LMO3: variants seen among roughly 807,000 people sequenced by gnomAD.
LMO3 encodes LIM domain only 3, also known as LIM domain only protein 3.
LMO3 carries 2 observed loss-of-function variants against 15.8 expected under a neutral mutation model. The observed-to-expected ratio is 0.13, with a 90% CI of 0.05 to 0.40. The LOEUF is 0.40. Among genes scored for constraint, LMO3 ranks in the 10% least tolerant of loss-of-function variants. The pLI is 0.99. For synonymous variants in LMO3, 62 were observed against 63.8 expected, an observed-to-expected ratio of 0.97 and a Z score of 0.13; for missense variants, 86 against 182.2, an observed-to-expected ratio of 0.47 and a Z score of 3.04.
rs1406956262 is a variant in LMO3 at position 16,555,998 on chromosome 12, TG to T, written c.332+4414del. Among the ~76,000 whole-genome samples, 1 of 152,192 alleles carries T rather than the reference TG, an allele frequency of 6.6e-6. No individual in the cohort carries two copies. The highest frequency in any genetic ancestry group is 1.5e-5 in the Non-Finnish European group (1 of 68,038). Reference sequence around the variant, plus strand: ...ATTTAGCATCGATTACACTCTTCTGTGAGTCTTTGATGTCCTGTCTCTCCCG... The same window carrying T: ...ATTTAGCATCGATTACACTCTTCTGTAGTCTTTGATGTCCTGTCTCTCCCG... On this transcript the variant is annotated intron_variant, in intron 3 of 3. Coordinates refer to ENST00000537304, the MANE Select transcript of LMO3 (RefSeq NM_018640.5). This position sits in a 1 kb window ranked among gnomAD's most constrained non-coding sequence, Gnocchi z 5.5.
In LMO3 at chr12:16,560,304, C is replaced by T. The variant is rs570981354; in HGVS notation, c.332+109G>A. 47 of 1,241,116 alleles carry T rather than the reference C, an allele frequency of 3.8e-5. No individual in the cohort carries two copies. Among genetic ancestry groups the T allele is most frequent in the South Asian group, 2.7e-4 (16 of 59,400 alleles). The allele number at this position is 1,241,116 out of a possible 1,614,324, so 76.9% of individuals were successfully genotyped here. ...GATTAAAGTTTACAGAACAGAAAAA[C>T]GCTGAGATTGATTGCTTTAAATGTA... On this transcript the variant is annotated intron_variant, in intron 3 of 3. Coordinates refer to ENST00000537304, the MANE Select transcript of LMO3 (RefSeq NM_018640.5). The surrounding 1 kb of genome is among the most constrained non-coding windows in gnomAD (Gnocchi z 5.0).
rs764343866 is a variant in LMO3, at chr12:16,548,606, G to GTCCTACTGGAGGCA, written c.*2602_*2615dup. The GTCCTACTGGAGGCA allele has an allele frequency of 6.6e-6, 1 of 152,144 alleles. No individual in the cohort carries two copies. Among genetic ancestry groups the GTCCTACTGGAGGCA allele is most frequent in the Non-Finnish European group, 1.5e-5 (1 of 68,032 alleles). The allele number at this position is 152,144 out of a possible 1,614,324, so 9.4% of individuals were successfully genotyped here. On this transcript the variant is annotated 3_prime_UTR_variant, in exon 4 of 4. Transcript: ENST00000537304. The surrounding 1 kb of genome is among the most constrained non-coding windows in gnomAD (Gnocchi z 4.2). ...CAGAAATCAAAGCTCCATCGGAGGT[G>GTCCTACTGGAGGCA]TCCTACTGGAGGCATCAGACAACAA...
At chr12:16,558,455 T>G (rs2137312089) in intron 3 of LMO3, among the ~76,000 whole-genome samples, 1 of 152,224 alleles carries the variant, frequency 6.6e-6, no homozygotes, top group East Asian at 1.9e-4. Context: ...CTAAATTTAC[T>G]ACTAAGACAC....
intron 2 of LMO3, among the ~76,000 whole-genome samples, chr12:16,581,311 A>G (rs1943150677): frequency 6.6e-6 from 1 of 152,152 alleles, no homozygotes; most frequent in Non-Finnish European, 1.5e-5. Context: ...CACCTTGGGA[A>G]CTTTGACTAA....
chr12:16,584,874 T>A lies in LMO3; in HGVS notation c.206+15781A>T, dbSNP rs1220006392. 6.6e-6 allele frequency among the ~76,000 whole-genome samples: 1 copy of A among 152,134 alleles called. No individual in the cohort carries two copies. The highest frequency in any genetic ancestry group is 2.4e-5 in the African/African-American group (1 of 41,440). The stretch of plus-strand genomic sequence containing the variant: ...TGATCCTCTCTTCAAGAATTCAGGA[T>A]GCGAGGAAATATTTTCAAACACCTT... On this transcript the variant is annotated intron_variant, in intron 2 of 3. Coordinates refer to ENST00000537304, the MANE Select transcript of LMO3 (RefSeq NM_018640.5). The surrounding 1 kb of genome is among the most constrained non-coding windows in gnomAD (Gnocchi z 5.2).
rs1440082984 is a variant in LMO3 at position 16,585,297 on chromosome 12, G to A, written c.206+15358C>T. Among the ~76,000 whole-genome samples, 1 of 152,004 alleles carries A rather than the reference G, an allele frequency of 6.6e-6. No individual in the cohort carries two copies. Among genetic ancestry groups the A allele is most frequent in the Non-Finnish European group, 1.5e-5 (1 of 68,012 alleles). On this transcript the variant is annotated intron_variant, in intron 2 of 3. Coordinates refer to ENST00000537304, the MANE Select transcript of LMO3 (RefSeq NM_018640.5). The surrounding 1 kb of genome is among the most constrained non-coding windows in gnomAD (Gnocchi z 4.7). ...GTATCATGGTAGAAAACAAGTTATT[G>A]ATTACTGCTTCAAGAAAAAGGATTT... is the stretch of plus-strand genomic sequence containing the variant.
Position 16,596,115 on chromosome 12 carries a change from G to A in LMO3, c.206+4540C>T, listed in dbSNP as rs56985400. Among the ~76,000 whole-genome samples the A allele has an allele frequency of 0.13, 19,632 of 151,448 alleles. 3,975 individuals carry two copies. The highest frequency in any genetic ancestry group is 0.43 in the African/African-American group (17,871 of 41,390). ...TTTAGAAGCACCAGGTTTGATCAGC[G>A]TGAGATAAAGTTACAGCTAGATTTA... On this transcript the variant is annotated intron_variant, in intron 2 of 3. Transcript: ENST00000537304. The surrounding 1 kb of genome is among the most constrained non-coding windows in gnomAD (Gnocchi z 4.3).
chr12:16,586,505 T>C lies in LMO3; in HGVS notation c.206+14150A>G, dbSNP rs906391837. 3.3e-5 allele frequency among the ~76,000 whole-genome samples: 5 copies of C among 152,118 alleles called. No individual in the cohort carries two copies. Among genetic ancestry groups the C allele is most frequent in the Admixed American group, 1.3e-4 (2 of 15,262 alleles). On this transcript the variant is annotated intron_variant, in intron 2 of 3. Coordinates refer to ENST00000537304, the MANE Select transcript of LMO3 (RefSeq NM_018640.5). This position sits in a 1 kb window ranked among gnomAD's most constrained non-coding sequence, Gnocchi z 4.3. ...CTCACGCTAAGCATTATCTTCTACGTCCACAGAAAAAAATCTGTTGTATAA... is the reference window on the plus strand; with the variant it reads ...CTCACGCTAAGCATTATCTTCTACGCCCACAGAAAAAAATCTGTTGTATAA...
chr12:16,549,271 A>G lies in LMO3; in HGVS notation c.*1951T>C, dbSNP rs902371538. 6.6e-6 allele frequency: 1 copy of G among 152,132 alleles called. No individual in the cohort carries two copies. Among genetic ancestry groups the G allele is most frequent in the Non-Finnish European group, 1.5e-5 (1 of 67,996 alleles). 9.4% of individuals were successfully genotyped at this position (152,132 alleles called of 1,614,324 possible). ...TGTAAGGCTCTAAGGCTAAAATAAT[A>G]GTTATTTTTGTGGGCCCCAAATAGC... On this transcript the variant is annotated 3_prime_UTR_variant, in exon 4 of 4. Coordinates refer to ENST00000537304, the MANE Select transcript of LMO3 (RefSeq NM_018640.5).
chr12:16,558,707 T>C (rs1287715865), intron 3 of LMO3, among the ~76,000 whole-genome samples: 1 of 152,144 alleles, frequency 6.6e-6, no homozygotes, highest in Non-Finnish European at 1.5e-5. Context: ...CATTATAAGG[T>C]ACATTAGGCA....
intron 2 of LMO3, among the ~76,000 whole-genome samples, chr12:16,565,442 G>T (rs1160462884): frequency 2.0e-5 from 3 of 152,102 alleles, no homozygotes; most frequent in Non-Finnish European, 2.9e-5. Flanking sequence ...AACTTAAAAA[G>T]TTAGCCCATT....
intron 3 of LMO3, among the ~76,000 whole-genome samples, chr12:16,556,552 G>A (rs1444222422): frequency 6.6e-6 from 1 of 152,062 alleles, no homozygotes; most frequent in African/African-American, 2.4e-5. Flanking sequence ...ATTCACAAAC[G>A]CGTAATTCCA....
At chr12:16,610,081 C>G (rs1786959965), upstream of LMO3, 1 of 152,106 alleles carries the variant, frequency 6.6e-6, no homozygotes, top group African/African-American at 2.4e-5. Context: ...CGAAATTCAG[C>G]AACACAAATG....
At position 16,585,438 on chromosome 12, in the gene LMO3, T is replaced by C. The variant is rs1289583312; in HGVS notation, c.206+15217A>G. Among the ~76,000 whole-genome samples, 1 of 152,252 alleles carries C rather than the reference T, an allele frequency of 6.6e-6. No homozygotes were observed. The highest frequency in any genetic ancestry group is 1.5e-5 in the Non-Finnish European group (1 of 68,034). ...GTTATTTTTGCTACCATCTTCATCC[T>C]ACACAGTGAGCATAAATGTTGTTTC... is the stretch of plus-strand genomic sequence containing the variant. On this transcript the variant is annotated intron_variant, in intron 2 of 3. Transcript: ENST00000537304. This position sits in a 1 kb window ranked among gnomAD's most constrained non-coding sequence, Gnocchi z 4.7.
chr12:16,564,270 G>T (rs1035114716), intron 2 of LMO3, among the ~76,000 whole-genome samples: 2 of 151,850 alleles, frequency 1.3e-5, no homozygotes, highest in African/African-American at 2.4e-5. Context: ...CATGCACAGA[G>T]AAATATTTAA....
At chr12:16,605,763 C>G (rs1174265754) in intron 1 of LMO3, 2 of 1,535,284 alleles carry the variant, frequency 1.3e-6, no homozygotes, top group East Asian at 4.9e-5. Context: ...CCACTCGAGT[C>G]GTACTTGAGA....
rs1942295983 is a variant in LMO3, at chr12:16,559,055, C to T, written c.332+1358G>A. 6.6e-6 allele frequency among the ~76,000 whole-genome samples: 1 copy of T among 152,126 alleles called. No homozygotes were observed. Among genetic ancestry groups the T allele is most frequent in the Non-Finnish European group, 1.5e-5 (1 of 68,008 alleles). On this transcript the variant is annotated intron_variant, in intron 3 of 3. Transcript: ENST00000537304. This position sits in a 1 kb window ranked among gnomAD's most constrained non-coding sequence, Gnocchi z 4.1. Reference sequence around the variant, plus strand: ...ATGTCACATTCTTTCTACTATTCTACAGGGTCTCATAAGAAGATTCTGCAT... The same window carrying T: ...ATGTCACATTCTTTCTACTATTCTATAGGGTCTCATAAGAAGATTCTGCAT...
In LMO3 at chr12:16,589,431, T is replaced by C. The variant is rs962333049; in HGVS notation, c.206+11224A>G. The stretch of plus-strand genomic sequence containing the variant: ...TACTTGTGACTTCACAGTAAAAAAT[T>C]AGGTCGTAGTGCAGATGAAAGCCTC... On this transcript the variant is annotated intron_variant, in intron 2 of 3. Coordinates refer to ENST00000537304, the MANE Select transcript of LMO3 (RefSeq NM_018640.5). This position sits in a 1 kb window ranked among gnomAD's most constrained non-coding sequence, Gnocchi z 4.2. 3 of 152,048 alleles carry C rather than the reference T, an allele frequency of 2.0e-5. No individual in the cohort carries two copies. Among genetic ancestry groups the C allele is most frequent in the African/African-American group, 7.2e-5 (3 of 41,414 alleles). The allele number at this position is 152,048 out of a possible 1,614,324, so 9.4% of individuals were successfully genotyped here.
chr12:16,573,429 G>C (rs1046722636), intron 2 of LMO3: 3 of 152,168 alleles, frequency 2.0e-5, no homozygotes, highest in African/African-American at 7.2e-5. Flanking sequence ...TTGAACGCGT[G>C]TGTGCGTGTC....
Sources: allele counts gnomAD v4.1 joint callset (sites outside exome capture counted in the v4.1 genomes callset), GRCh38; gene constraint gnomAD v4.1.1; non-coding constraint Gnocchi (gnomAD v3.1); transcripts MANE v1.5; gene names NCBI Gene and HGNC (gene_info 2026-07-23, HGNC 2026-07-21).